The following TBC1D32 variants were observed in gnomAD, a reference collection of about 807,000 sequenced individuals.
TBC1D32 encodes the protein TBC1 domain family member 32.
A neutral mutation model predicts 170.3 loss-of-function variants in TBC1D32; 151 were observed. The observed-to-expected ratio is 0.89, with a 90% CI of 0.78 to 1.01. The LOEUF (loss-of-function observed/expected upper bound fraction) is 1.01, where lower values mean the gene tolerates loss of function less well. TBC1D32 is among the 50% of genes least tolerant of loss of function. The pLI is 0.00. For missense variants in TBC1D32, 1,464 were observed against 1,457.1 expected, an observed-to-expected ratio of 1.00 and a Z score of -0.08; for synonymous variants, 498 against 488.0, an observed-to-expected ratio of 1.02 and a Z score of -0.27.
In TBC1D32 at chr6:121,279,194, C is replaced by T. The variant is rs778627862; in HGVS notation, c.1660G>A (p.Ala554Thr). The part of the protein sequence containing the change: ...TALIHIAGIL[A>T]RIASVEEGLI... The stretch of plus-strand genomic sequence containing the variant: ...CCTTCTTCTACAGATGCAATTCTTG[C>T]CAAAATACCAGCTATATGAATTAAA... The change falls in exon 15 of 32, where the codon GCA becomes ACA. Residue 554 changes from alanine to threonine, a missense_variant. By Grantham distance (58) the Ala-to-Thr change is moderately conservative (BLOSUM62 0). Around this residue, in one of 3 missense-constraint regions of TBC1D32, gnomAD observed 1,363 missense variants for 1,338.1 expected, o/e 1.02. Transcript: ENST00000398212. 2 of 1,611,582 alleles carry T rather than the reference C, an allele frequency of 1.2e-6. No individual in the cohort carries two copies. The highest frequency in any genetic ancestry group is 2.2e-5 in the East Asian group (1 of 44,700).
intron 5 of TBC1D32, among the ~76,000 whole-genome samples, chr6:121,307,269 G>A (rs964346632): frequency 2.0e-5 from 3 of 152,040 alleles, no homozygotes; most frequent in African/African-American, 7.2e-5. Context: ...CCAGCTACTT[G>A]GGAGACTGAG....
At chr6:121,086,903 G>A (rs1392689029) in intron 31 of TBC1D32, among the ~76,000 whole-genome samples, 1 of 152,144 alleles carries the variant, frequency 6.6e-6, no homozygotes. Flanking sequence ...GAATATCCCA[G>A]TTGCTGGGAT....
chr6:121,150,815 C>T (rs1028881076), intron 24 of TBC1D32, among the ~76,000 whole-genome samples: 16 of 152,078 alleles, frequency 1.1e-4, no homozygotes, highest in South Asian at 4.2e-4. Context: ...TATTCTCTGT[C>T]GGTAGTTTGT....
At chr6:121,131,072 T>C (rs902751055) in intron 25 of TBC1D32, among the ~76,000 whole-genome samples, 1 of 152,058 alleles carries the variant, frequency 6.6e-6, no homozygotes, top group Non-Finnish European at 1.5e-5. Context: ...TATATTGACA[T>C]TAGAACTTTT....
intron 1 of TBC1D32, among the ~76,000 whole-genome samples, chr6:121,331,384 T>A (rs1202037731): frequency 6.6e-6 from 1 of 151,780 alleles, no homozygotes; most frequent in South Asian, 2.1e-4. Flanking sequence ...AATTTTTTTT[T>A]TTTTTTTGTA....
intron 22 of TBC1D32, among the ~76,000 whole-genome samples, chr6:121,184,276 T>C (rs896569804): frequency 2.0e-5 from 3 of 151,892 alleles, no homozygotes; most frequent in Admixed American, 6.6e-5. Flanking sequence ...TGGACTTAGG[T>C]GGGCAGGAAG....
In TBC1D32 at chr6:121,080,069, A is replaced by T. The variant is rs1775494670; in HGVS notation, c.*702T>A. The T allele has an allele frequency of 6.6e-6, 1 of 152,298 alleles. No individual in the cohort carries two copies. The highest frequency in any genetic ancestry group is 2.4e-5 in the African/African-American group (1 of 41,464). The allele number at this position is 152,298 out of a possible 1,614,324, so 9.4% of individuals were successfully genotyped here. On this transcript the variant is annotated 3_prime_UTR_variant, in exon 32 of 32. Transcript: ENST00000398212. ...TCCATTTTCCTTTACATGTACAGAC[A>T]TAAAGAATGGAAGAAATACTGTCTT...
chr6:121,190,073 G>GACACACACAC (rs533974518), intron 22 of TBC1D32, among the ~76,000 whole-genome samples: 3 of 63,732 alleles, frequency 4.7e-5, no homozygotes, highest in Middle Eastern at 0.018. Context: ...GCCCAATACA[G>GACACACACAC]ACACACACAC....
chr6:121,284,385 T>A (rs1400041938), intron 12 of TBC1D32, among the ~76,000 whole-genome samples: 1 of 152,158 alleles, frequency 6.6e-6, no homozygotes. Context: ...AAGTCTGCCA[T>A]GGTAGCACTA....
intron 1 of TBC1D32, among the ~76,000 whole-genome samples, chr6:121,324,601 T>C (rs1810211008): frequency 1.3e-5 from 2 of 152,198 alleles, no homozygotes; most frequent in Non-Finnish European, 2.9e-5. Context: ...CTAATCATCA[T>C]GTAAATAGTC....
chr6:121,152,879 G>A (rs1195897502), intron 24 of TBC1D32, among the ~76,000 whole-genome samples: 1 of 151,982 alleles, frequency 6.6e-6, no homozygotes, highest in Non-Finnish European at 1.5e-5. Flanking sequence ...CTCTTAACTG[G>A]TTAGTCTAGT....
intron 30 of TBC1D32, among the ~76,000 whole-genome samples, chr6:121,095,633 T>G (rs1273880146): frequency 6.6e-6 from 1 of 152,194 alleles, no homozygotes; most frequent in Non-Finnish European, 1.5e-5. Flanking sequence ...TTGCGAGTTT[T>G]TAGCATGAAG....
At chr6:121,223,382 G>T (rs779936127) in intron 20 of TBC1D32, 30 bp from the exon 21 acceptor site, 3 of 1,454,350 alleles carry the variant, frequency 2.1e-6, no homozygotes, top group Admixed American at 1.9e-5. Flanking sequence ...TCATTTAAAT[G>T]ATTCACTTTT....
chr6:121,230,644 G>GATATATAT (rs3076859), intron 20 of TBC1D32, among the ~76,000 whole-genome samples: 1 of 149,580 alleles, frequency 6.7e-6, no homozygotes, highest in African/African-American at 2.5e-5. Flanking sequence ...GTATATATCT[G>GATATATAT]ATATATATAT....
intron 21 of TBC1D32, among the ~76,000 whole-genome samples, chr6:121,217,221 C>T (rs1350605136): frequency 6.6e-6 from 1 of 152,182 alleles, no homozygotes; most frequent in East Asian, 1.9e-4. Context: ...GGTATGCAGC[C>T]ACTGACTTGG....
In TBC1D32 at chr6:121,086,028, T is replaced by C. The variant is rs555878620; in HGVS notation, c.3654+4825A>G. Among the ~76,000 whole-genome samples, 6 of 152,222 alleles carry C rather than the reference T, an allele frequency of 3.9e-5. No individual in the cohort carries two copies. In the South Asian group the frequency reaches 1.2e-3, roughly 32 times the overall value. On this transcript the variant is annotated intron_variant, in intron 31 of 31. Transcript: ENST00000398212. ...ATGGGAGCAAAAGTACACCAAAGTG[T>C]AGGTATGCACTCAGAAAATTCTGTT...
intron 9 of TBC1D32, among the ~76,000 whole-genome samples, chr6:121,301,284 C>A (rs1806436043): frequency 6.6e-6 from 1 of 152,112 alleles, no homozygotes; most frequent in South Asian, 2.1e-4. Flanking sequence ...AGACTTGGAA[C>A]CAACCCAAAT....
chr6:121,175,720 A>G (rs1433488553), intron 22 of TBC1D32, among the ~76,000 whole-genome samples: 1 of 152,210 alleles, frequency 6.6e-6, no homozygotes, highest in Admixed American at 6.6e-5. Flanking sequence ...TTTTTAGAAG[A>G]CAAATCTATC....
intron 1 of TBC1D32, among the ~76,000 whole-genome samples, chr6:121,333,206 G>A (rs1002206233): frequency 3.9e-5 from 6 of 152,214 alleles, no homozygotes; most frequent in Admixed American, 3.9e-4. Flanking sequence ...AGATCAAAAT[G>A]AAATGCAAAC....
Sources: allele counts gnomAD v4.1 joint callset (sites outside exome capture counted in the v4.1 genomes callset), GRCh38; gene constraint gnomAD v4.1.1; regional missense constraint gnomAD v4.1.1; transcripts MANE v1.5; gene names NCBI Gene and HGNC (gene_info 2026-07-23, HGNC 2026-07-21).